PALM2AKAP2: variants seen among roughly 807,000 people sequenced by gnomAD.
PALM2AKAP2 encodes the protein PALM2-AKAP2 fusion protein.
In PALM2AKAP2, 37 loss-of-function variants were observed where a neutral mutation model predicts 71.5. The observed-to-expected ratio is 0.52, with a 90% confidence interval of 0.40 to 0.68. The LOEUF (loss-of-function observed/expected upper bound fraction) is 0.68, where lower values mean the gene tolerates loss of function less well. Ranked by LOEUF, PALM2AKAP2 falls within the 30% of genes least tolerant of loss-of-function variation. The pLI, the probability that PALM2AKAP2 is intolerant of heterozygous loss-of-function variation, is 0.00. For synonymous variants in PALM2AKAP2, 468 were observed against 478.8 expected (o/e 0.98, Z 0.29); for missense variants, 1,224 against 1,191.8 (o/e 1.03, Z -0.40).
intron 1 of PALM2AKAP2, among the ~76,000 whole-genome samples, chr9:110,056,927 G>A (rs890922719): frequency 2.6e-5 from 4 of 152,144 alleles, no homozygotes; most frequent in African/African-American, 9.7e-5. Context: ...TGTGAGTGGC[G>A]TAGAGGGTGT....
At chr9:110,167,953 C>A (rs554531176) in intron 3 of PALM2AKAP2, among the ~76,000 whole-genome samples, 40 of 152,262 alleles carry the variant, frequency 2.6e-4, no homozygotes, top group Admixed American at 4.6e-4. Context: ...TATTTAGCTT[C>A]TCAGCCACAC....
intron 1 of PALM2AKAP2, among the ~76,000 whole-genome samples, chr9:109,643,447 C>T (rs1347242765): frequency 1.3e-5 from 2 of 152,244 alleles, no homozygotes; most frequent in Non-Finnish European, 2.9e-5. Flanking sequence ...AGACTTAGCA[C>T]TTGGGTGCTC....
chr9:109,652,715 G>C (rs1827243579), intron 1 of PALM2AKAP2, among the ~76,000 whole-genome samples: 1 of 152,192 alleles, frequency 6.6e-6, no homozygotes, highest in African/African-American at 2.4e-5. Flanking sequence ...GTATGTGCCA[G>C]ACACTTTTAT....
intron 6 of PALM2AKAP2, among the ~76,000 whole-genome samples, chr9:109,977,130 G>T (rs1407768200): frequency 6.6e-6 from 1 of 152,084 alleles, no homozygotes; most frequent in Admixed American, 6.5e-5. Flanking sequence ...TTCTAATGCT[G>T]CTGGTCCTGG....
intron 2 of PALM2AKAP2, among the ~76,000 whole-genome samples, chr9:109,879,109 T>A (rs1355008554): frequency 6.6e-6 from 1 of 152,226 alleles, no homozygotes; most frequent in East Asian, 1.9e-4. Context: ...AATGAGAGTC[T>A]ATGGAATTGT....
intron 1 of PALM2AKAP2, among the ~76,000 whole-genome samples, chr9:109,737,010 A>C (rs1437291566): frequency 6.6e-6 from 1 of 152,230 alleles, no homozygotes; most frequent in Non-Finnish European, 1.5e-5. Context: ...GGGAACTAGA[A>C]AGCATTTGAA....
intron 1 of PALM2AKAP2, among the ~76,000 whole-genome samples, chr9:109,713,026 C>T (rs1436750463): frequency 2.0e-5 from 3 of 152,224 alleles, no homozygotes; most frequent in African/African-American, 7.2e-5. Flanking sequence ...TTTGACTCTG[C>T]TCCATCACTT....
chr9:110,107,598 A>G (rs575397007), intron 1 of PALM2AKAP2, among the ~76,000 whole-genome samples: 108 of 152,228 alleles, frequency 7.1e-4, no homozygotes, highest in African/African-American at 2.6e-3. Context: ...ACAGTGTCTC[A>G]CTCTGTTGCC....
At chr9:110,007,332 A>G (rs1043274856) in intron 6 of PALM2AKAP2, among the ~76,000 whole-genome samples, 6 of 152,234 alleles carry the variant, frequency 3.9e-5, no homozygotes, top group Admixed American at 2.0e-4. Flanking sequence ...ACCTGCAGGT[A>G]AAAGCATTCT....
intron 1 of PALM2AKAP2, among the ~76,000 whole-genome samples, chr9:109,857,717 C>T (rs1829205426): frequency 6.6e-6 from 1 of 152,200 alleles, no homozygotes; most frequent in African/African-American, 2.4e-5. Flanking sequence ...CACTTCTTAG[C>T]TCAAGGGCAC....
chr9:110,064,785 A>C, intron 1 of PALM2AKAP2, among the ~76,000 whole-genome samples: 1 of 152,050 alleles, frequency 6.6e-6, no homozygotes, highest in South Asian at 2.1e-4. Flanking sequence ...CCCCTCATTC[A>C]TTATTTTTGG....
At chr9:110,136,413 T>C in exon 2 of PALM2AKAP2, 1 of 1,614,040 alleles carries the variant, frequency 6.2e-7, no homozygotes, top group Non-Finnish European at 8.5e-7. Flanking sequence ...CTAGATGAGG[T>C]GCTAGAGGCC....
At chr9:110,011,009 A>AC (rs1379472102) in intron 6 of PALM2AKAP2, among the ~76,000 whole-genome samples, 2 of 113,380 alleles carry the variant, frequency 1.8e-5, no homozygotes, top group Non-Finnish European at 1.7e-5. Context: ...AAAAAAAAAA[A>AC]AAAAAATATA....
intron 3 of PALM2AKAP2, 89 bp downstream of exon 10, chr9:110,162,221 G>A (rs888557599): frequency 9.0e-5 from 139 of 1,548,560 alleles, no homozygotes; most frequent in African/African-American, 8.4e-4. Context: ...TGAGTTAAAC[G>A]AAAATGGCAA....
At chr9:110,125,976 C>T (rs976200156) in intron 1 of PALM2AKAP2, among the ~76,000 whole-genome samples, 5 of 152,054 alleles carry the variant, frequency 3.3e-5, no homozygotes, top group Non-Finnish European at 4.4e-5. Flanking sequence ...GTGATTCTGT[C>T]GCCTCGTTTC....
intron 1 of PALM2AKAP2, among the ~76,000 whole-genome samples, chr9:109,829,201 C>T (rs1007801189): frequency 1.3e-5 from 2 of 152,314 alleles, no homozygotes; most frequent in South Asian, 2.1e-4. Context: ...CTCCCTGAGA[C>T]GCTCACCTCA....
At chr9:110,070,745 C>T (rs1309040294) in intron 1 of PALM2AKAP2, among the ~76,000 whole-genome samples, 1 of 152,264 alleles carries the variant, frequency 6.6e-6, no homozygotes, top group South Asian at 2.1e-4. Context: ...GGGATCTATG[C>T]GACCCCAGTC....
chr9:109,652,983 T>TA (rs1241846983), intron 1 of PALM2AKAP2, among the ~76,000 whole-genome samples: 1 of 152,186 alleles, frequency 6.6e-6, no homozygotes, highest in Non-Finnish European at 1.5e-5. Flanking sequence ...TAATTTAGCA[T>TA]AAAAAAATCT....
chr9:110,152,954 G>A (rs1461670937), intron 2 of PALM2AKAP2, among the ~76,000 whole-genome samples: 1 of 152,142 alleles, frequency 6.6e-6, no homozygotes, highest in East Asian at 1.9e-4. Flanking sequence ...TTCTCTCTCT[G>A]GGGACCTGTG....
Sources: allele counts gnomAD v4.1 joint callset (sites outside exome capture counted in the v4.1 genomes callset), GRCh38; gene constraint gnomAD v4.1.1; transcripts MANE v1.5; gene names NCBI Gene and HGNC (gene_info 2026-07-23, HGNC 2026-07-21).